IL16: variants seen among roughly 807,000 people sequenced by gnomAD.
IL16 encodes interleukin 16.
IL16 carries 67 observed loss-of-function variants against 110.1 expected under a neutral mutation model. The observed-to-expected ratio is 0.61, with a 90% CI of 0.50 to 0.75. IL16 has a LOEUF of 0.75. Ranked by LOEUF, IL16 falls within the 30% of genes least tolerant of loss-of-function variation. The pLI is 0.00. For missense variants in IL16, 1,545 were observed against 1,655.0 expected, an observed-to-expected ratio of 0.93 and a Z score of 1.15; for synonymous variants, 689 against 662.9, an observed-to-expected ratio of 1.04 and a Z score of -0.61.
intron 2 of IL16, among the ~76,000 whole-genome samples, chr15:81,250,836 G>A (rs1364017674): frequency 2.0e-5 from 3 of 151,992 alleles, no homozygotes; most frequent in Non-Finnish European, 4.4e-5. Flanking sequence ...TGAGGGAGGG[G>A]ATTAATTTAT....
At chr15:81,251,683 C>G (rs1352546209) in intron 2 of IL16, among the ~76,000 whole-genome samples, 2 of 152,204 alleles carry the variant, frequency 1.3e-5, no homozygotes, top group African/African-American at 4.8e-5. Context: ...TGTAGACTAA[C>G]TAGATTCTTA....
At chr15:81,214,116 C>G (rs905518912) in intron 1 of IL16, among the ~76,000 whole-genome samples, 1 of 152,110 alleles carries the variant, frequency 6.6e-6, no homozygotes, top group African/African-American at 2.4e-5. Flanking sequence ...TCTTGTAAGG[C>G]TTGTCTAGTT....
At chr15:81,232,763 A>G (rs141762667) in intron 2 of IL16, among the ~76,000 whole-genome samples, 3 of 152,292 alleles carry the variant, frequency 2.0e-5, no homozygotes, top group African/African-American at 7.2e-5. Flanking sequence ...TTGATATGCT[A>G]ATATTTTGTT....
rs1372369955 is a variant in IL16, at chr15:81,297,141, T to G, written c.2053+63T>G. The G allele has an allele frequency of 2.0e-6, 3 of 1,523,206 alleles. No homozygotes were observed. In the South Asian group the frequency reaches 3.6e-5, roughly 18 times the overall value. The allele number at this position is 1,523,206 out of a possible 1,614,324, so 94.4% of individuals were successfully genotyped here. Reference sequence around the variant, plus strand: ...TTTGAAAAAAGGTGCAGGGATAAGATAAGAGCACAAATTGGCCTGAGGATC... The same window carrying G: ...TTTGAAAAAAGGTGCAGGGATAAGAGAAGAGCACAAATTGGCCTGAGGATC... On this transcript the variant is annotated intron_variant, in intron 13 of 18. Transcript: ENST00000683961.
chr15:81,261,801 G>C (rs1898168930), intron 3 of IL16, among the ~76,000 whole-genome samples: 1 of 152,166 alleles, frequency 6.6e-6, no homozygotes, highest in African/African-American at 2.4e-5. Context: ...GGCTGCCACA[G>C]CTTCTGCCTG....
intron 13 of IL16, among the ~76,000 whole-genome samples, chr15:81,297,861 TA>T (rs17875506): frequency 0.1 from 15,702 of 152,134 alleles, 840 homozygotes; most frequent in Middle Eastern, 0.19. Context: ...TGGCAGGAAA[TA>T]AACATATAGA....
intron 1 of IL16, among the ~76,000 whole-genome samples, chr15:81,189,534 C>T: frequency 6.6e-6 from 1 of 152,162 alleles, no homozygotes; most frequent in East Asian, 1.9e-4. Flanking sequence ...ATTCTCCCAC[C>T]TCAGCCTCCC....
chr15:81,259,009 G>A (rs1347235737), intron 2 of IL16, among the ~76,000 whole-genome samples: 1 of 152,088 alleles, frequency 6.6e-6, no homozygotes, highest in Non-Finnish European at 1.5e-5. Flanking sequence ...CCAGGATGAG[G>A]AGAGATATAT....
At chr15:81,283,810 A>T (rs1447174124) in intron 9 of IL16, among the ~76,000 whole-genome samples, 1 of 152,080 alleles carries the variant, frequency 6.6e-6, no homozygotes, top group Non-Finnish European at 1.5e-5. Flanking sequence ...GTTCAAGACC[A>T]GCCTGGGCAA....
At chr15:81,238,834 T>C (rs1270054999) in intron 2 of IL16, among the ~76,000 whole-genome samples, 1 of 150,330 alleles carries the variant, frequency 6.7e-6, no homozygotes, top group Non-Finnish European at 1.5e-5. Flanking sequence ...TTAGTTTTTT[T>C]TTTTTTTTAC....
chr15:81,205,813 G>A (rs1166323574), intron 1 of IL16, among the ~76,000 whole-genome samples: 1 of 152,142 alleles, frequency 6.6e-6, no homozygotes, highest in African/African-American at 2.4e-5. Context: ...TACAAATAAA[G>A]GGATAGGAAA....
chr15:81,289,790 CAT>C (rs1158459409), intron 10 of IL16: 5 of 323,812 alleles, frequency 1.5e-5, no homozygotes, highest in African/African-American at 8.6e-5. Context: ...TTGATTTTCA[CAT>C]AGTCCAATTT....
rs1900991317 is a variant in IL16, at chr15:81,313,730, G to A, written c.*4932G>A. 5.5e-6 allele frequency: 1 copy of A among 182,618 alleles called. No homozygotes were observed. 11.3% of individuals were successfully genotyped at this position (182,618 alleles called of 1,614,324 possible). On this transcript the variant is annotated 3_prime_UTR_variant, in exon 19 of 19. Transcript: ENST00000683961. Reference sequence around the variant, plus strand: ...GAACTCACTTTGTGCCAGGCCCTGAGAGGAACGAAGAGATGCTGCCCTTCA... The same window carrying A: ...GAACTCACTTTGTGCCAGGCCCTGAAAGGAACGAAGAGATGCTGCCCTTCA...
chr15:81,280,952 T>C (rs997898293), intron 8 of IL16, among the ~76,000 whole-genome samples: 15 of 152,244 alleles, frequency 9.9e-5, no homozygotes, highest in Admixed American at 9.8e-4. Flanking sequence ...TTAGGGAGGA[T>C]TTTTGTTTGC....
intron 1 of IL16, among the ~76,000 whole-genome samples, chr15:81,201,900 C>T (rs368843082): frequency 1.3e-5 from 2 of 152,196 alleles, no homozygotes; most frequent in South Asian, 4.1e-4. Context: ...CATTCTTCTC[C>T]ATATCTCAAC....
chr15:81,227,529 G>T (rs1439705147), intron 2 of IL16, among the ~76,000 whole-genome samples: 2 of 152,154 alleles, frequency 1.3e-5, no homozygotes, highest in Admixed American at 1.3e-4. Context: ...AAGGAGACCG[G>T]TATGCCTGGG....
chr15:81,278,653 C>T (rs1185730682), intron 6 of IL16, among the ~76,000 whole-genome samples, 164 bp from the exon 7 acceptor site: 1 of 152,226 alleles, frequency 6.6e-6, no homozygotes, highest in Non-Finnish European at 1.5e-5. Flanking sequence ...TGTTGCTGCC[C>T]TGCCTGCTTC....
upstream of IL16, among the ~76,000 whole-genome samples, chr15:81,195,620 T>C (rs1895577847): frequency 6.6e-6 from 1 of 152,170 alleles, no homozygotes; most frequent in Non-Finnish European, 1.5e-5. Flanking sequence ...GGCTAGATCT[T>C]TGCAGCCTTG....
At chr15:81,250,331 G>A (rs896346771) in intron 2 of IL16, among the ~76,000 whole-genome samples, 1 of 151,930 alleles carries the variant, frequency 6.6e-6, no homozygotes, top group African/African-American at 2.4e-5. Context: ...CACCACTCCT[G>A]GCTAATTTTA....
Sources: allele counts gnomAD v4.1 joint callset (sites outside exome capture counted in the v4.1 genomes callset), GRCh38; gene constraint gnomAD v4.1.1; transcripts MANE v1.5; gene names NCBI Gene and HGNC (gene_info 2026-07-23, HGNC 2026-07-21).